The following DPYD variants were observed in gnomAD, a reference collection of about 807,000 sequenced individuals.
The protein encoded by DPYD is dihydropyrimidine dehydrogenase.
DPYD carries 109 observed loss-of-function variants against 116.2 expected under a neutral mutation model. The observed-to-expected ratio is 0.94, with a 90% CI of 0.80 to 1.10. DPYD has a LOEUF of 1.10. Among genes scored for constraint, DPYD ranks in the 50% least tolerant of loss-of-function variants. The probability of loss-of-function intolerance (pLI) is 0.00; values close to 1 mark genes in which losing one functional copy is unlikely to be tolerated. For missense variants in DPYD, 1,302 were observed against 1,254.5 expected (o/e 1.04, Z -0.57); for synonymous variants, 440 against 432.0 (o/e 1.02, Z -0.23).
At chr1:97,232,241 T>C (rs989867031) in intron 19 of DPYD, among the ~76,000 whole-genome samples, 11 of 152,304 alleles carry the variant, frequency 7.2e-5, no homozygotes, top group African/African-American at 2.6e-4. Context: ...CCAGACTCCA[T>C]GGCTTGTGAT....
intron 8 of DPYD, among the ~76,000 whole-genome samples, chr1:97,609,671 C>T (rs1025395842): frequency 1.3e-5 from 2 of 151,858 alleles, no homozygotes; most frequent in African/African-American, 4.8e-5. Context: ...TTAAATACAT[C>T]GTTTCTTCCA....
chr1:97,147,610 A>G (rs1654719901), intron 20 of DPYD, among the ~76,000 whole-genome samples: 1 of 152,218 alleles, frequency 6.6e-6, no homozygotes, highest in African/African-American at 2.4e-5. Flanking sequence ...AGCCTAAACC[A>G]GGATATTGAT....
At chr1:97,373,732 T>C (rs558694597) in intron 15 of DPYD, 88 bp from the exon 16 acceptor site, 9 of 1,158,944 alleles carry the variant, frequency 7.8e-6, no homozygotes, top group Non-Finnish European at 1.2e-5. Flanking sequence ...AAGTCACATT[T>C]GTCAAGTGTT....
intron 5 of DPYD, among the ~76,000 whole-genome samples, chr1:97,701,832 C>T (rs1177253123): frequency 6.6e-6 from 1 of 151,754 alleles, no homozygotes; most frequent in Non-Finnish European, 1.5e-5. Context: ...TACTGGTTTA[C>T]TTATCTGTTT....
At position 97,078,662 on chromosome 1, in the gene DPYD, C is replaced by T; in HGVS notation, c.*314G>A. 2.7e-6 allele frequency: 1 copy of T among 371,804 alleles called. No homozygotes were observed. The highest frequency in any genetic ancestry group is 2.1e-5 in the African/African-American group (1 of 47,980). The allele number at this position is 371,804 out of a possible 1,614,324, so 23.0% of individuals were successfully genotyped here. Reference sequence around the variant, plus strand: ...AGCACAGCATAGGGCAATTTGGAAACTGTCACACTAATTGCCACAAAAAAG... The same window carrying T: ...AGCACAGCATAGGGCAATTTGGAAATTGTCACACTAATTGCCACAAAAAAG... On this transcript the variant is annotated 3_prime_UTR_variant, in exon 23 of 23. Transcript: ENST00000370192.
At chr1:97,363,623 A>C (rs1334876514) in intron 16 of DPYD, among the ~76,000 whole-genome samples, 2 of 152,150 alleles carry the variant, frequency 1.3e-5, no homozygotes, top group East Asian at 3.8e-4. Flanking sequence ...ATGTAGCCAT[A>C]AAAAAAGGAT....
intron 22 of DPYD, among the ~76,000 whole-genome samples, 164 bp downstream of exon 22, chr1:97,082,166 A>G (rs571486916): frequency 1.8e-4 from 27 of 152,306 alleles, no homozygotes; most frequent in African/African-American, 6.3e-4. Flanking sequence ...TTTTAAAAAA[A>G]GACCATATTA....
chr1:97,703,551 C>T (rs1661727024), intron 5 of DPYD, among the ~76,000 whole-genome samples: 1 of 151,834 alleles, frequency 6.6e-6, no homozygotes. Context: ...TGTATCTAAA[C>T]TCATAGTGTC....
At chr1:97,727,918 A>G (rs1663362995) in intron 4 of DPYD, among the ~76,000 whole-genome samples, 1 of 151,868 alleles carries the variant, frequency 6.6e-6, no homozygotes, top group Admixed American at 6.6e-5. Context: ...TTTTAAAAGT[A>G]AAGGCTAGAA....
chr1:97,803,149 T>C (rs1276879557), intron 3 of DPYD, among the ~76,000 whole-genome samples: 5 of 151,908 alleles, frequency 3.3e-5, no homozygotes, highest in Admixed American at 6.6e-5. Context: ...ATGGTGTCTT[T>C]AAAATAATTC....
intron 3 of DPYD, among the ~76,000 whole-genome samples, chr1:97,826,750 A>G (rs1396498468): frequency 6.6e-6 from 1 of 152,154 alleles, no homozygotes; most frequent in East Asian, 1.9e-4. Context: ...AAAATTTTCA[A>G]TAACTTAAAC....
At chr1:97,136,898 G>A (rs749921563) in intron 20 of DPYD, among the ~76,000 whole-genome samples, 3 of 151,988 alleles carry the variant, frequency 2.0e-5, no homozygotes, top group Non-Finnish European at 4.4e-5. Flanking sequence ...GGTATTTGTC[G>A]ACTAGAAAGA....
chr1:97,587,002 T>C (rs763997643), intron 10 of DPYD, among the ~76,000 whole-genome samples: 2 of 152,232 alleles, frequency 1.3e-5, no homozygotes, highest in Non-Finnish European at 2.9e-5. Flanking sequence ...GAAAAAACTT[T>C]AAGAAGCATA....
At chr1:97,273,039 C>T (rs1664699723) in intron 18 of DPYD, among the ~76,000 whole-genome samples, 1 of 152,012 alleles carries the variant, frequency 6.6e-6, no homozygotes, top group Non-Finnish European at 1.5e-5. Context: ...GAAATAAGGG[C>T]ATTTTACGGG....
At chr1:97,318,182 A>G (rs1168786986) in intron 16 of DPYD, among the ~76,000 whole-genome samples, 1 of 146,448 alleles carries the variant, frequency 6.8e-6, no homozygotes, top group Non-Finnish European at 1.5e-5. Context: ...CTAACGAGCA[A>G]AATCACCAGC....
chr1:97,317,178 C>T (rs964729100), intron 16 of DPYD, among the ~76,000 whole-genome samples: 1 of 151,874 alleles, frequency 6.6e-6, no homozygotes, highest in South Asian at 2.1e-4. Flanking sequence ...AATTAAAATG[C>T]TAGTTTTATC....
At chr1:97,675,969 G>A (rs562035058) in intron 8 of DPYD, among the ~76,000 whole-genome samples, 23 of 152,016 alleles carry the variant, frequency 1.5e-4, no homozygotes, top group African/African-American at 3.4e-4. Flanking sequence ...GGATGGTCTC[G>A]ATCTCTTGAC....
At chr1:97,245,304 T>C (rs1209585251) in intron 18 of DPYD, among the ~76,000 whole-genome samples, 1 of 152,148 alleles carries the variant, frequency 6.6e-6, no homozygotes, top group African/African-American at 2.4e-5. Flanking sequence ...TAAAATTCAC[T>C]GCCGGGTTTG....
intron 16 of DPYD, among the ~76,000 whole-genome samples, chr1:97,359,605 G>T (rs1437105975): frequency 6.6e-6 from 1 of 152,190 alleles, no homozygotes; most frequent in Admixed American, 6.5e-5. Context: ...ACTAACAGTG[G>T]ATCTCTCAGC....
Sources: allele counts gnomAD v4.1 joint callset (sites outside exome capture counted in the v4.1 genomes callset), GRCh38; gene constraint gnomAD v4.1.1; transcripts MANE v1.5; gene names NCBI Gene and HGNC (gene_info 2026-07-23, HGNC 2026-07-21).